ZFHX4: variants seen among roughly 807,000 people sequenced by gnomAD.
The protein encoded by ZFHX4 is zinc finger homeobox protein 4.
A neutral mutation model predicts 267.6 loss-of-function variants in ZFHX4; 56 were observed. The observed-to-expected ratio is 0.21, with a 90% CI of 0.17 to 0.26. ZFHX4 has a LOEUF of 0.26. ZFHX4 is among the 10% of genes least tolerant of loss of function. The probability of loss-of-function intolerance (pLI) is 1.00; values close to 1 mark genes in which losing one functional copy is unlikely to be tolerated. For missense variants in ZFHX4, 4,332 were observed against 4,420.0 expected (o/e 0.98, Z 0.56); for synonymous variants, 1,778 against 1,665.6 (o/e 1.07, Z -1.64).
chr8:76,818,749 T>C (rs1171648651), intron 4 of ZFHX4, among the ~76,000 whole-genome samples: 2 of 151,944 alleles, frequency 1.3e-5, no homozygotes, highest in Non-Finnish European at 2.9e-5. Flanking sequence ...AGACCTTGTC[T>C]CTACTAAAAA....
Position 76,864,807 on chromosome 8 carries a change from A to AT in ZFHX4, c.*243dup, listed in dbSNP as rs1812988207. 6.9e-6 allele frequency: 2 copies of AT among 288,602 alleles called. No individual in the cohort carries two copies. Among genetic ancestry groups the AT allele is most frequent in the South Asian group, 1.2e-4 (1 of 8,288 alleles). 17.9% of individuals were successfully genotyped at this position (288,602 alleles called of 1,614,324 possible). On this transcript the variant is annotated 3_prime_UTR_variant, in exon 11 of 11. Coordinates refer to ENST00000651372, the MANE Select transcript of ZFHX4 (RefSeq NM_024721.5). ...CTAAAATATGGAAAAGGAAAAAAAA[A>AT]TCTCACAAGTTCTTTTGGAACTTGT...
At position 76,704,729 on chromosome 8, in the gene ZFHX4, C is replaced by T. The variant is rs2131606059; in HGVS notation, c.641C>T (p.Thr214Ile). ...ACAGCCGATCAGGCTTTCCCAAATA[C>T]CTCAGCATTAGCAGGAGTTGGTCCT... ...PFTADQAFPN[T>I]SALAGVGPVL... The change falls in exon 2 of 11, where the codon ACC becomes ATC. Residue 214 changes from threonine (T) to isoleucine (I), a missense_variant. Physicochemically the swap from Thr to Ile is moderately conservative, Grantham distance 89 (BLOSUM62 -1). Transcript: ENST00000651372. 1.2e-6 allele frequency: 2 copies of T among 1,614,006 alleles called. No homozygotes were observed. The highest frequency in any genetic ancestry group is 1.7e-6 in the Non-Finnish European group (2 of 1,179,902).
chr8:76,785,220 T>A (rs1810655331), intron 4 of ZFHX4, among the ~76,000 whole-genome samples: 1 of 152,122 alleles, frequency 6.6e-6, no homozygotes, highest in African/African-American at 2.4e-5. Flanking sequence ...CTGAGTCAAA[T>A]GAGTTTTATT....
chr8:76,823,530 T>C (rs777979099), intron 4 of ZFHX4, among the ~76,000 whole-genome samples: 2 of 152,228 alleles, frequency 1.3e-5, no homozygotes, highest in Non-Finnish European at 2.9e-5. Context: ...ATGAATACTT[T>C]CACTAACTTT....
intron 3 of ZFHX4, among the ~76,000 whole-genome samples, chr8:76,724,606 G>C (rs1056163678): frequency 9.2e-5 from 14 of 151,988 alleles, no homozygotes; most frequent in Non-Finnish European, 1.9e-4. Flanking sequence ...TGAACTGTTG[G>C]GCCAAGAAAT....
chr8:76,808,449 A>G (rs1233019411), intron 4 of ZFHX4, among the ~76,000 whole-genome samples: 1 of 152,124 alleles, frequency 6.6e-6, no homozygotes, highest in African/African-American at 2.4e-5. Flanking sequence ...ATCTTGCAGT[A>G]TGGTACACTG....
At chr8:76,790,318 A>G (rs1340008077) in intron 4 of ZFHX4, among the ~76,000 whole-genome samples, 3 of 152,272 alleles carry the variant, frequency 2.0e-5, no homozygotes, top group East Asian at 1.9e-4. Context: ...TTTTCATCTT[A>G]GGAAACTTAG....
intron 1 of ZFHX4, among the ~76,000 whole-genome samples, chr8:76,701,694 T>C (rs1808107440): frequency 1.3e-5 from 2 of 152,178 alleles, no homozygotes; most frequent in South Asian, 4.1e-4. Flanking sequence ...AGAACTGTTT[T>C]AGGAGTGAAG....
At chr8:76,786,310 C>T (rs1810687602) in intron 4 of ZFHX4, among the ~76,000 whole-genome samples, 1 of 151,314 alleles carries the variant, frequency 6.6e-6, no homozygotes, top group Non-Finnish European at 1.5e-5. Flanking sequence ...TCTTTTCCTT[C>T]ACTAGCTATC....
chr8:76,760,547 G>A (rs1265128992), intron 3 of ZFHX4, among the ~76,000 whole-genome samples: 1 of 152,066 alleles, frequency 6.6e-6, no homozygotes, highest in Non-Finnish European at 1.5e-5. Flanking sequence ...TTATGGAGCT[G>A]TGAAGGTGTG....
Position 76,842,651 on chromosome 8 carries a change from A to G in ZFHX4, c.3395-4A>G, listed in dbSNP as rs1316606211. ...TCTACTGATTGGTCTGCCTTTCTTAACAGAAGAACAAAGTGAGGAGGCAGA... is the reference window on the plus strand; with the variant it reads ...TCTACTGATTGGTCTGCCTTTCTTAGCAGAAGAACAAAGTGAGGAGGCAGA... On this transcript the variant is annotated splice_region_variant and splice_polypyrimidine_tract_variant and intron_variant, in intron 5 of 10. Coordinates refer to ENST00000651372, the MANE Select transcript of ZFHX4 (RefSeq NM_024721.5). The G allele has an allele frequency of 1.5e-5, 23 of 1,547,966 alleles. No individual in the cohort carries two copies. Among genetic ancestry groups the G allele is most frequent in the Admixed American group, 2.0e-5 (1 of 50,820 alleles).
At position 76,855,996 on chromosome 8, in the gene ZFHX4, C is replaced by T. The variant is rs1185725964; in HGVS notation, c.9075C>T (p.His3025=). The part of the protein sequence containing the change: ...KYSARLSIRD[H]IFSKQHISKV... ...CTGCCCGCTTGTCCATCAGAGATCA[C>T]ATTTTCTCCAAACAGCACATTTCAA... The change falls in exon 10 of 11, where the codon CAC becomes CAT. Residue 3025 remains histidine, a synonymous_variant. Coordinates refer to ENST00000651372, the MANE Select transcript of ZFHX4 (RefSeq NM_024721.5). The T allele has an allele frequency of 1.2e-6, 2 of 1,613,954 alleles. No homozygotes were observed. The highest frequency in any genetic ancestry group is 1.7e-6 in the Non-Finnish European group (2 of 1,179,876).
At chr8:76,683,079 G>C (rs1010076089) in intron 1 of ZFHX4, 2 of 152,244 alleles carry the variant, frequency 1.3e-5, no homozygotes, top group Non-Finnish European at 2.9e-5. Flanking sequence ...GGCTCCTTTC[G>C]GCCGCTCGGG....
rs963932718 is a variant in ZFHX4 at position 76,865,872 on chromosome 8, T to A, written c.*1307T>A. 2.0e-5 allele frequency: 3 copies of A among 152,608 alleles called. No homozygotes were observed. Among genetic ancestry groups the A allele is most frequent in the African/African-American group, 7.2e-5 (3 of 41,444 alleles). 9.5% of individuals were successfully genotyped at this position (152,608 alleles called of 1,614,324 possible). A position where few individuals can be genotyped will look rare whatever the true frequency, so the allele number is the denominator to read the frequency against. ...GTATTGTTCTGTTACATACTTTTTTTAACCTGTTTTGTTTTATCATATATG... is the reference window on the plus strand; with the variant it reads ...GTATTGTTCTGTTACATACTTTTTTAAACCTGTTTTGTTTTATCATATATG... On this transcript the variant is annotated 3_prime_UTR_variant, in exon 11 of 11. Transcript: ENST00000651372.
rs1214676193 is a variant in ZFHX4, at chr8:76,854,941, C to T, written c.8020C>T (p.His2674Tyr). 3.7e-6 allele frequency: 6 copies of T among 1,613,836 alleles called. No individual in the cohort carries two copies. The highest frequency in any genetic ancestry group is 4.2e-6 in the Non-Finnish European group (5 of 1,179,878). The change falls in exon 10 of 11, where the codon CAT becomes TAT. Residue 2674 changes from histidine to tyrosine, a missense_variant. His to Tyr is a moderately conservative substitution (Grantham distance 83). Around this residue, in one of 7 missense-constraint regions of ZFHX4, gnomAD observed 1,648 missense variants for 1,625.0 expected, o/e 1.01. Transcript: ENST00000651372. ...QFRAVGPAQS[H>Y]KRCPFCRALF... ...CCGGGCGGTGGGTCCAGCACAGTCT[C>T]ATAAACGGTGTCCGTTTTGCCGAGC... is the stretch of plus-strand genomic sequence containing the variant.
At chr8:76,701,848 T>C (rs893113164) in intron 1 of ZFHX4, among the ~76,000 whole-genome samples, 5 of 152,154 alleles carry the variant, frequency 3.3e-5, no homozygotes, top group African/African-American at 1.2e-4. Context: ...CAGGTTACCC[T>C]ATCATTGGGG....
At chr8:76,713,003 G>GTTGGT (rs1808466635) in intron 3 of ZFHX4, among the ~76,000 whole-genome samples, 2 of 152,192 alleles carry the variant, frequency 1.3e-5, no homozygotes, top group African/African-American at 4.8e-5. Flanking sequence ...ATAAAGAGGA[G>GTTGGT]TTGGTTTGCT....
chr8:76,815,500 A>T (rs1345911257), intron 4 of ZFHX4, among the ~76,000 whole-genome samples: 5 of 151,802 alleles, frequency 3.3e-5, no homozygotes, highest in Non-Finnish European at 7.4e-5. Flanking sequence ...TTATTTTTTT[A>T]AATTTATTTA....
At chr8:76,862,959 A>G in intron 10 of ZFHX4, 135 bp from the exon 11 acceptor site, 1 of 1,282,508 alleles carries the variant, frequency 7.8e-7, no homozygotes, top group Non-Finnish European at 1.0e-6. Flanking sequence ...GGTGATCATG[A>G]ATTTCCTATT....
Sources: allele counts gnomAD v4.1 joint callset (sites outside exome capture counted in the v4.1 genomes callset), GRCh38; gene constraint gnomAD v4.1.1; regional missense constraint gnomAD v4.1.1; transcripts MANE v1.5; gene names NCBI Gene and HGNC (gene_info 2026-07-23, HGNC 2026-07-21).